The following HIPK2 variants were observed in gnomAD, a reference collection of about 807,000 sequenced individuals.
HIPK2 encodes homeodomain-interacting protein kinase 2.
In HIPK2, 27 loss-of-function variants were observed where a neutral mutation model predicts 113.7. That is an observed-to-expected ratio of 0.24 (90% CI 0.17 to 0.33). The LOEUF (loss-of-function observed/expected upper bound fraction) is 0.33, where lower values mean the gene tolerates loss of function less well. Among genes scored for constraint, HIPK2 ranks in the 10% least tolerant of loss-of-function variants. HIPK2 has a pLI of 1.00. For missense variants in HIPK2, 1,257 were observed against 1,588.0 expected, an observed-to-expected ratio of 0.79 and a Z score of 3.54; for synonymous variants, 631 against 642.2, an observed-to-expected ratio of 0.98 and a Z score of 0.26.
At chr7:139,769,262 C>T (rs1371713614) in intron 1 of HIPK2, among the ~76,000 whole-genome samples, 1 of 151,870 alleles carries the variant, frequency 6.6e-6, no homozygotes, top group African/African-American at 2.4e-5. Flanking sequence ...GTGCCTTCCA[C>T]CGCACCACAA....
chr7:139,576,193 G>A (rs771970047), intron 13 of HIPK2, among the ~76,000 whole-genome samples: 29 of 152,358 alleles, frequency 1.9e-4, no homozygotes, highest in Admixed American at 5.9e-4. Flanking sequence ...TAAATCATCC[G>A]GGGAATGGCC....
At chr7:139,660,133 T>C (rs1465905055) in intron 2 of HIPK2, among the ~76,000 whole-genome samples, 2 of 152,220 alleles carry the variant, frequency 1.3e-5, no homozygotes, top group Admixed American at 6.5e-5. Context: ...GAAGCTCATA[T>C]CTGGTTGTAG....
rs879070605 is a variant in HIPK2 at position 139,579,803 on chromosome 7, G to A, written c.2965+4014C>T. Among the ~76,000 whole-genome samples, 31 of 152,278 alleles carry A rather than the reference G, an allele frequency of 2.0e-4. No individual in the cohort carries two copies. In the South Asian group the frequency reaches 5.4e-3, roughly 26 times the overall value. On this transcript the variant is annotated intron_variant, in intron 13 of 14. Coordinates refer to ENST00000406875, the MANE Select transcript of HIPK2 (RefSeq NM_022740.5). Reference sequence around the variant, plus strand: ...CTATTCAGAGGCCGCAAATCCAACCGTGCATTTGCGCCTGGGGCCCCTCCC... The same window carrying A: ...CTATTCAGAGGCCGCAAATCCAACCATGCATTTGCGCCTGGGGCCCCTCCC...
intron 7 of HIPK2, 58 bp from the exon 8 acceptor site, chr7:139,614,551 G>A: frequency 1.2e-6 from 1 of 826,410 alleles, no homozygotes; most frequent in Non-Finnish European, 1.7e-6. Flanking sequence ...GAGGGAGGTG[G>A]CATGTTGGGA....
rs140581544 is a variant in HIPK2, at chr7:139,657,029, C to T, written c.1104-25304G>A. Among the ~76,000 whole-genome samples, 571 of 152,296 alleles carry T rather than the reference C, an allele frequency of 3.7e-3. 2 individuals carry two copies. Among genetic ancestry groups the T allele is most frequent in the Non-Finnish European group, 5.7e-3 (387 of 68,030 alleles). ...GGGGTTACAGGCTTGCACCATCACG[C>T]CTGGCTAACTTTTGTATTTTTAATA... On this transcript the variant is annotated intron_variant, in intron 2 of 14. Coordinates refer to ENST00000406875, the MANE Select transcript of HIPK2 (RefSeq NM_022740.5).
At position 139,578,327 on chromosome 7, in the gene HIPK2, G is replaced by A. The variant is rs1798556917; in HGVS notation, c.2966-3039C>T. On this transcript the variant is annotated intron_variant, in intron 13 of 14. Coordinates refer to ENST00000406875, the MANE Select transcript of HIPK2 (RefSeq NM_022740.5). ...CCAGCTGCTAATTTTTGTATTTTTG[G>A]TAGAGACAGAGTTTGACCATGTTAG... Among the ~76,000 whole-genome samples the A allele has an allele frequency of 4.6e-5, 7 of 152,006 alleles. No homozygotes were observed. The South Asian group carries it at 1.5e-3, about 32-fold the overall frequency.
rs973500782 is a variant in HIPK2 at position 139,600,684 on chromosome 7, C to T, written c.2256-88G>A. On this transcript the variant is annotated intron_variant, in intron 10 of 14. Coordinates refer to ENST00000406875, the MANE Select transcript of HIPK2 (RefSeq NM_022740.5). ...AGATCAAGCTTCCTCCCCAATTAAA[C>T]GCTGACTGCAGTTGGTTATCTCACT... The T allele has an allele frequency of 2.4e-5, 34 of 1,436,726 alleles. 1 individual carries two copies. Among genetic ancestry groups the T allele is most frequent in the Non-Finnish European group, 2.9e-5 (30 of 1,049,558 alleles). The allele number at this position is 1,436,726 out of a possible 1,614,324, so 89.0% of individuals were successfully genotyped here.
rs745632358 is a variant in HIPK2 at position 139,631,234 on chromosome 7, G to A, written c.1278C>T (p.Ser426=). Residue 426 remains serine, a synonymous_variant, in exon 4 of 15, where the codon AGC becomes AGT. Transcript: ENST00000406875. This position sits in a 1 kb window ranked among gnomAD's most constrained non-coding sequence, Gnocchi z 4.9. ...AAAACCTAGTTGTCTTTGTCCCGGCGCTTAATAAATATTCAGCAGGCAAAC... is the reference window on the plus strand; with the variant it reads ...AAAACCTAGTTGTCTTTGTCCCGGCACTTAATAAATATTCAGCAGGCAAAC... The part of the protein sequence containing the change: ...TQGLPAEYLL[S]AGTKTTRFFN... 10 of 1,613,582 alleles carry A rather than the reference G, an allele frequency of 6.2e-6. No individual in the cohort carries two copies. Among genetic ancestry groups the A allele is most frequent in the African/African-American group, 4.0e-5 (3 of 74,898 alleles).
chr7:139,721,778 G>A (rs1795416812), intron 1 of HIPK2, among the ~76,000 whole-genome samples: 1 of 152,144 alleles, frequency 6.6e-6, no homozygotes, highest in Non-Finnish European at 1.5e-5. Context: ...GACTTGGGAG[G>A]GCAAGTTTCG....
chr7:139,777,503 G>C, intron 1 of HIPK2, 102 bp downstream of exon 1: 1 of 373,140 alleles, frequency 2.7e-6, no homozygotes, highest in Non-Finnish European at 3.8e-6. Flanking sequence ...GGGGGCTGGG[G>C]CAGGCGCCGG....
At chr7:139,600,921 A>C (rs1799402648) in intron 10 of HIPK2, among the ~76,000 whole-genome samples, 1 of 152,228 alleles carries the variant, frequency 6.6e-6, no homozygotes, top group African/African-American at 2.4e-5. Context: ...CTGAGCACCT[A>C]GGTGTTTATC....
rs575295862 is a variant in HIPK2, at chr7:139,563,674, T to G, written c.*9253A>C. 43 of 396,514 alleles carry G rather than the reference T, an allele frequency of 1.1e-4. No individual in the cohort carries two copies. The highest frequency in any genetic ancestry group is 1.9e-4 in the Non-Finnish European group (42 of 225,474). 24.6% of individuals were successfully genotyped at this position (396,514 alleles called of 1,614,324 possible). ...CCACACAAACAGGAAAGTGGGAGTA[T>G]GATTAGGAGGGGTGAGATGAAAACT... On this transcript the variant is annotated 3_prime_UTR_variant, in exon 15 of 15. Coordinates refer to ENST00000406875, the MANE Select transcript of HIPK2 (RefSeq NM_022740.5).
rs115566818 is a variant in HIPK2, at chr7:139,640,717, T to C, written c.1104-8992A>G. On this transcript the variant is annotated intron_variant, in intron 2 of 14. Transcript: ENST00000406875. ...CAGGCTGGAGTGCAGTGGCACAATC[T>C]TGGTTGACCGCACCTTCCACCTCCT... 6.6e-3 allele frequency among the ~76,000 whole-genome samples: 1,004 copies of C among 152,154 alleles called. 9 individuals are homozygous for C. The highest frequency in any genetic ancestry group is 0.023 in the African/African-American group (943 of 41,492).
At chr7:139,642,584 A>AGAT (rs991643228) in intron 2 of HIPK2, among the ~76,000 whole-genome samples, 9 of 152,318 alleles carry the variant, frequency 5.9e-5, no homozygotes, top group African/African-American at 2.2e-4. Flanking sequence ...GTCCAAGTGG[A>AGAT]GATGTAGATG....
At chr7:139,772,479 T>C (rs1000321204) in intron 1 of HIPK2, among the ~76,000 whole-genome samples, 3 of 152,240 alleles carry the variant, frequency 2.0e-5, no homozygotes, top group African/African-American at 4.8e-5. Flanking sequence ...GTAATATTTA[T>C]GGACATTTCT....
chr7:139,608,047 T>C (rs1375360511), intron 9 of HIPK2, among the ~76,000 whole-genome samples: 7 of 151,958 alleles, frequency 4.6e-5, no homozygotes, highest in South Asian at 2.1e-4. Context: ...GAGACCAGCC[T>C]GGCCAACACA....
chr7:139,715,063 T>C (rs964599942), intron 2 of HIPK2, among the ~76,000 whole-genome samples: 2 of 152,210 alleles, frequency 1.3e-5, no homozygotes, highest in African/African-American at 4.8e-5. Context: ...CTCAGCTCCA[T>C]GTCGGCAGCG....
At chr7:139,690,560 C>T (rs1423523636) in intron 2 of HIPK2, among the ~76,000 whole-genome samples, 2 of 152,076 alleles carry the variant, frequency 1.3e-5, no homozygotes, top group Non-Finnish European at 2.9e-5. Context: ...AGCCCCAGCA[C>T]TTTGGGGTGG....
At chr7:139,703,602 AG>A (rs1457878810) in intron 2 of HIPK2, among the ~76,000 whole-genome samples, 2 of 151,880 alleles carry the variant, frequency 1.3e-5, no homozygotes, top group African/African-American at 4.8e-5. Flanking sequence ...ACGAGGAAGG[AG>A]CTCTAAATAC....
Sources: allele counts gnomAD v4.1 joint callset (sites outside exome capture counted in the v4.1 genomes callset), GRCh38; gene constraint gnomAD v4.1.1; non-coding constraint Gnocchi (gnomAD v3.1); transcripts MANE v1.5; gene names NCBI Gene and HGNC (gene_info 2026-07-23, HGNC 2026-07-21).